The following ADAMTS12 variants were observed in gnomAD, a reference collection of about 807,000 sequenced individuals.
ADAMTS12 encodes A disintegrin and metalloproteinase with thrombospondin motifs 12.
A neutral mutation model predicts 167.8 loss-of-function variants in ADAMTS12; 118 were observed. The ratio of observed to expected loss-of-function variants is 0.70; its 90% CI spans 0.61 to 0.82. The LOEUF is 0.82. Ranked by LOEUF, ADAMTS12 falls within the 40% of genes least tolerant of loss-of-function variation. ADAMTS12 has a pLI of 0.00. For missense variants in ADAMTS12, 1,916 were observed against 1,998.8 expected, an observed-to-expected ratio of 0.96 and a Z score of 0.79; for synonymous variants, 704 against 716.9, an observed-to-expected ratio of 0.98 and a Z score of 0.29.
At chr5:33,546,388 G>C (rs1018851261) in intron 21 of ADAMTS12, among the ~76,000 whole-genome samples, 186 bp from the exon 22 acceptor site, 1 of 151,968 alleles carries the variant, frequency 6.6e-6, no homozygotes, top group Non-Finnish European at 1.5e-5. Context: ...AAAAAAAAAG[G>C]GGGGGAAACA....
chr5:33,817,258 G>C (rs1747695547), intron 2 of ADAMTS12, among the ~76,000 whole-genome samples: 2 of 152,120 alleles, frequency 1.3e-5, no homozygotes, highest in South Asian at 4.1e-4. Context: ...ACATTAACTT[G>C]AACTTTAGTG....
chr5:33,750,293 G>A (rs1203681870), intron 3 of ADAMTS12, among the ~76,000 whole-genome samples: 1 of 152,200 alleles, frequency 6.6e-6, no homozygotes, highest in Non-Finnish European at 1.5e-5. Context: ...GTGTGTTTTT[G>A]TGTACAGAAA....
intron 21 of ADAMTS12, among the ~76,000 whole-genome samples, chr5:33,547,962 T>C (rs1745063821): frequency 6.6e-6 from 1 of 152,070 alleles, no homozygotes; most frequent in Non-Finnish European, 1.5e-5. Flanking sequence ...ACTCAAGAAC[T>C]AGGCAGGGGA....
rs1433424219 is a variant in ADAMTS12 at position 33,637,608 on chromosome 5, T to C, written c.1857A>G (p.Glu619=). 3 of 1,613,294 alleles carry C rather than the reference T, an allele frequency of 1.9e-6. No homozygotes were observed. The Admixed American group carries it at 5.0e-5, about 27-fold the overall frequency. Residue 619 remains glutamate, a synonymous_variant, in exon 12 of 24, where the codon GAA becomes GAG. Coordinates refer to ENST00000504830, the MANE Select transcript of ADAMTS12 (RefSeq NM_030955.4). ...TAAAAATGGGAAACCAGTGGTAGAGTTCATTCTTGTAGGGAACAGTGTCAA... is the reference window on the plus strand; with the variant it reads ...TAAAAATGGGAAACCAGTGGTAGAGCTCATTCTTGTAGGGAACAGTGTCAA... The part of the protein sequence containing the change: ...SEFDTVPYKN[E]LYHWFPIFNP...
chr5:33,584,695 G>A (rs141954398), intron 18 of ADAMTS12, among the ~76,000 whole-genome samples: 3 of 152,258 alleles, frequency 2.0e-5, no homozygotes, highest in Non-Finnish European at 4.4e-5. Context: ...ATCTTTCTCA[G>A]TGACAACAGG....
At chr5:33,605,183 A>G (rs558665401) in intron 16 of ADAMTS12, among the ~76,000 whole-genome samples, 2 of 152,354 alleles carry the variant, frequency 1.3e-5, no homozygotes, top group South Asian at 4.1e-4. Context: ...ACTGTCCACT[A>G]ATAGATAAAT....
intron 19 of ADAMTS12, among the ~76,000 whole-genome samples, chr5:33,568,227 T>C (rs1746113692): frequency 6.6e-6 from 1 of 152,216 alleles, no homozygotes; most frequent in South Asian, 2.1e-4. Flanking sequence ...TTTCTACCTC[T>C]GAAGCTGAAT....
At chr5:33,632,235 G>A (rs1173193275) in intron 12 of ADAMTS12, among the ~76,000 whole-genome samples, 2 of 152,068 alleles carry the variant, frequency 1.3e-5, no homozygotes, top group Non-Finnish European at 2.9e-5. Context: ...AGACTCTGGG[G>A]ACTCCAAAAG....
Position 33,576,091 on chromosome 5 carries a change from T to C in ADAMTS12, c.3935A>G (p.His1312Arg), listed in dbSNP as rs1364104587. ...TCCGACGATCCAGTGTGCAGAGCCG[T>C]GGCCGTTTGTGAGCTGCTTGTAATT... The part of the protein sequence containing the change: ...ASNYKQLTNG[H>R]GSAHWIVGNW... The change falls in exon 19 of 24, where the codon CAC becomes CGC. Residue 1312 changes from histidine to arginine, a missense_variant. By Grantham distance (29) the His-to-Arg change is conservative. Coordinates refer to ENST00000504830, the MANE Select transcript of ADAMTS12 (RefSeq NM_030955.4). 6.2e-7 allele frequency: 1 copy of C among 1,614,148 alleles called. No homozygotes were observed. The highest frequency in any genetic ancestry group is 8.5e-7 in the Non-Finnish European group (1 of 1,180,010).
chr5:33,744,974 T>C (rs1354972460), intron 3 of ADAMTS12, among the ~76,000 whole-genome samples: 1 of 152,150 alleles, frequency 6.6e-6, no homozygotes, highest in Non-Finnish European at 1.5e-5. Context: ...CCACCACTTC[T>C]GGCCAATTAA....
chr5:33,584,428 C>T (rs1052772041), intron 18 of ADAMTS12, among the ~76,000 whole-genome samples: 1 of 151,856 alleles, frequency 6.6e-6, no homozygotes, highest in African/African-American at 2.4e-5. Flanking sequence ...AAGCACTGCG[C>T]TTATAGTGTT....
chr5:33,685,557 T>C (rs1236285275), intron 3 of ADAMTS12, among the ~76,000 whole-genome samples: 1 of 152,248 alleles, frequency 6.6e-6, no homozygotes, highest in Non-Finnish European at 1.5e-5. Context: ...TGTTTGGCGA[T>C]ATTGACAAAA....
intron 3 of ADAMTS12, among the ~76,000 whole-genome samples, chr5:33,689,731 C>T (rs774541350): frequency 6.6e-6 from 1 of 152,208 alleles, no homozygotes; most frequent in Non-Finnish European, 1.5e-5. Flanking sequence ...GCTCCCCATG[C>T]CTACTGGCCT....
intron 2 of ADAMTS12, among the ~76,000 whole-genome samples, chr5:33,854,503 A>G (rs1749332688): frequency 6.6e-6 from 1 of 152,204 alleles, no homozygotes; most frequent in Admixed American, 6.5e-5. Flanking sequence ...CCCCAGTAAT[A>G]GCAGAGATCA....
chr5:33,576,698 C>T lies in ADAMTS12; in HGVS notation c.3328G>A (p.Asp1110Asn), dbSNP rs751617671. ...QPSEENVSSS[D>N]TGPTSEGGLV... is the part of the protein sequence containing the mutation. ...CCTCCCTCCGAGGTAGGACCAGTAT[C>T]TGAACTGGAAACATTTTCCTCACTT... The change falls in exon 19 of 24, where the codon GAT becomes AAT. Residue 1110 changes from aspartate to asparagine, a missense_variant. Coordinates refer to ENST00000504830, the MANE Select transcript of ADAMTS12 (RefSeq NM_030955.4). 8.1e-5 allele frequency: 131 copies of T among 1,614,094 alleles called. No homozygotes were observed. The highest frequency in any genetic ancestry group is 1.0e-4 in the Non-Finnish European group (123 of 1,180,048).
rs144574208 is a variant in ADAMTS12, at chr5:33,771,077, T to C, written c.490-19529A>G. ...TACAGGTTAGTAAATGTCACTAATATCACTCTCTGTATGAGAATTTCAGTT... is the reference window on the plus strand; with the variant it reads ...TACAGGTTAGTAAATGTCACTAATACCACTCTCTGTATGAGAATTTCAGTT... On this transcript the variant is annotated intron_variant, in intron 2 of 23. Coordinates refer to ENST00000504830, the MANE Select transcript of ADAMTS12 (RefSeq NM_030955.4). Among the ~76,000 whole-genome samples the C allele has an allele frequency of 6.3e-3, 954 of 152,258 alleles. 18 individuals carry two copies. Among genetic ancestry groups the C allele is most frequent in the African/African-American group, 0.022 (903 of 41,534 alleles).
At chr5:33,591,917 C>CA (rs979694183) in intron 17 of ADAMTS12, among the ~76,000 whole-genome samples, 5 of 152,058 alleles carry the variant, frequency 3.3e-5, no homozygotes, top group African/African-American at 1.2e-4. Flanking sequence ...CTTCCCACAA[C>CA]AAAAAACTAT....
chr5:33,871,035 T>C (rs1750020739), intron 2 of ADAMTS12, among the ~76,000 whole-genome samples: 1 of 152,006 alleles, frequency 6.6e-6, no homozygotes, highest in Admixed American at 6.6e-5. Context: ...AAAGTAAAAT[T>C]TCCCCCCAAA....
intron 2 of ADAMTS12, 76 bp downstream of exon 2, chr5:33,881,042 AC>A: frequency 1.3e-6 from 2 of 1,548,828 alleles, no homozygotes; most frequent in Non-Finnish European, 1.7e-6. Context: ...GCATCTGTGA[AC>A]CTGTTGGTAG....
Sources: gnomAD v4.1 joint callset for allele counts (sites outside exome capture counted in the v4.1 genomes callset) on GRCh38, gnomAD v4.1.1 for gene constraint, MANE v1.5 for transcripts, NCBI Gene and HGNC (gene_info 2026-07-23, HGNC 2026-07-21) for gene names.